The following GALNTL6 variants were observed in gnomAD, a reference collection of about 807,000 sequenced individuals.
The protein encoded by GALNTL6 is polypeptide N-acetylgalactosaminyltransferase-like 6.
Under a neutral mutation model 73.7 loss-of-function variants are expected in GALNTL6, and 46 were observed. The observed-to-expected ratio is 0.62, with a 90% CI of 0.49 to 0.80. GALNTL6 has a LOEUF of 0.80. Among genes scored for constraint, GALNTL6 ranks in the 30% least tolerant of loss-of-function variants. The pLI, the probability that GALNTL6 is intolerant of heterozygous loss-of-function variation, is 0.00. For synonymous variants in GALNTL6, 259 were observed against 263.7 expected, an observed-to-expected ratio of 0.98 and a Z score of 0.17; for missense variants, 604 against 755.0, an observed-to-expected ratio of 0.80 and a Z score of 2.34.
chr4:172,903,418 A>G (rs1298415849), intron 8 of GALNTL6, among the ~76,000 whole-genome samples: 1 of 152,192 alleles, frequency 6.6e-6, no homozygotes, highest in South Asian at 2.1e-4. Flanking sequence ...TATAACATGC[A>G]AGCTTAACTC....
chr4:172,988,609 A>ATGTTTCAGAG (rs1751399498), intron 10 of GALNTL6, among the ~76,000 whole-genome samples: 1 of 152,220 alleles, frequency 6.6e-6, no homozygotes, highest in African/African-American at 2.4e-5. Context: ...TGCCTTGAAG[A>ATGTTTCAGAG]TGTTTCAGAG....
intron 5 of GALNTL6, among the ~76,000 whole-genome samples, chr4:172,532,475 A>G (rs980982497): frequency 2.0e-5 from 3 of 152,238 alleles, no homozygotes; most frequent in African/African-American, 7.2e-5. Context: ...TGAGACAATC[A>G]TAAGTCTCTG....
At chr4:172,193,805 G>A (rs1315743531) in intron 2 of GALNTL6, among the ~76,000 whole-genome samples, 1 of 152,168 alleles carries the variant, frequency 6.6e-6, no homozygotes, top group Non-Finnish European at 1.5e-5. Flanking sequence ...GGAACTTGCA[G>A]TGAGCTGAGA....
At chr4:172,682,861 G>GA (rs528385755) in intron 5 of GALNTL6, among the ~76,000 whole-genome samples, 2 of 150,990 alleles carry the variant, frequency 1.3e-5, no homozygotes, top group East Asian at 1.9e-4. Context: ...AAAAAAATTA[G>GA]AAAAAAAAAT....
chr4:172,785,929 G>C (rs1739627091), intron 5 of GALNTL6, among the ~76,000 whole-genome samples: 2 of 152,080 alleles, frequency 1.3e-5, no homozygotes, highest in South Asian at 4.1e-4. Flanking sequence ...TCAGAAATTA[G>C]TTCCAATCCA....
At chr4:172,167,696 C>G (rs1027341041) in intron 2 of GALNTL6, among the ~76,000 whole-genome samples, 1 of 151,986 alleles carries the variant, frequency 6.6e-6, no homozygotes, top group African/African-American at 2.4e-5. Flanking sequence ...CGGTGGCTCA[C>G]GCCTGTAATC....
At chr4:172,285,865 C>T (rs1739225879) in intron 3 of GALNTL6, among the ~76,000 whole-genome samples, 1 of 152,214 alleles carries the variant, frequency 6.6e-6, no homozygotes, top group African/African-American at 2.4e-5. Flanking sequence ...GGTACAAAGA[C>T]ATCCGGCAGA....
intron 5 of GALNTL6, among the ~76,000 whole-genome samples, chr4:172,775,547 A>C (rs529142910): frequency 6.6e-6 from 1 of 152,290 alleles, no homozygotes; most frequent in African/African-American, 2.4e-5. Context: ...TGACCCAGAG[A>C]ATATCCATCT....
At chr4:172,963,844 GGAA>G (rs1561059331) in intron 10 of GALNTL6, among the ~76,000 whole-genome samples, 1 of 152,200 alleles carries the variant, frequency 6.6e-6, no homozygotes, top group Non-Finnish European at 1.5e-5. Flanking sequence ...CATCCTATGG[GGAA>G]GAAGGAGAAA....
chr4:172,911,907 T>A (rs1747223463), intron 8 of GALNTL6, among the ~76,000 whole-genome samples: 1 of 152,254 alleles, frequency 6.6e-6, no homozygotes, highest in African/African-American at 2.4e-5. Context: ...CTGTAACAGT[T>A]TACATGGCAT....
intron 3 of GALNTL6, among the ~76,000 whole-genome samples, chr4:172,303,798 A>G (rs1239330041): frequency 6.6e-6 from 1 of 152,242 alleles, no homozygotes; most frequent in Admixed American, 6.5e-5. Context: ...ATGCTGTTTT[A>G]TATCTTTTGA....
chr4:172,125,422 C>G (rs1440714444), intron 2 of GALNTL6, among the ~76,000 whole-genome samples: 4 of 152,122 alleles, frequency 2.6e-5, no homozygotes, highest in Admixed American at 2.6e-4. Flanking sequence ...GCAAATTTTA[C>G]TAAGAGCAAA....
At chr4:171,875,232 A>G (rs933826922) in intron 2 of GALNTL6, among the ~76,000 whole-genome samples, 13 of 152,202 alleles carry the variant, frequency 8.5e-5, no homozygotes, top group Non-Finnish European at 1.6e-4. Context: ...CAAGAGACCA[A>G]CTAGTAAAAG....
intron 2 of GALNTL6, among the ~76,000 whole-genome samples, chr4:171,869,095 C>A (rs1736061826): frequency 6.6e-6 from 1 of 152,126 alleles, no homozygotes; most frequent in African/African-American, 2.4e-5. Flanking sequence ...AGGAGAAATC[C>A]AATTACCTCA....
chr4:171,923,043 G>A (rs1396931189), intron 2 of GALNTL6, among the ~76,000 whole-genome samples: 1 of 151,984 alleles, frequency 6.6e-6, no homozygotes, highest in African/African-American at 2.4e-5. Flanking sequence ...AAAGCCAGGA[G>A]AAATTACCAC....
intron 2 of GALNTL6, among the ~76,000 whole-genome samples, chr4:172,050,598 A>G (rs564557792): frequency 6.6e-6 from 1 of 152,268 alleles, no homozygotes; most frequent in Non-Finnish European, 1.5e-5. Flanking sequence ...TCTGAGGTCT[A>G]TGTGCCAGTG....
intron 5 of GALNTL6, among the ~76,000 whole-genome samples, chr4:172,568,818 C>G (rs1246659517): frequency 2.0e-5 from 3 of 150,202 alleles, no homozygotes; most frequent in African/African-American, 7.3e-5. Flanking sequence ...TTGTCCAACC[C>G]ATGACCTGTG....
chr4:172,867,751 CA>C (rs1303605610), intron 7 of GALNTL6, among the ~76,000 whole-genome samples: 1 of 152,204 alleles, frequency 6.6e-6, no homozygotes, highest in African/African-American at 2.4e-5. Context: ...ACCTGTGACC[CA>C]TGACATTCAG....
At position 171,926,013 on chromosome 4, in the gene GALNTL6, A is replaced by C. The variant is rs554563232; in HGVS notation, c.138+111295A>C. ...TCTGAAATTTTACAAAAATATTATT[A>C]CTGACACACATGTGCACATAACTAA... On this transcript the variant is annotated intron_variant, in intron 2 of 12. Transcript: ENST00000506823. 2.0e-5 allele frequency among the ~76,000 whole-genome samples: 3 copies of C among 150,846 alleles called. No homozygotes were observed. The East Asian group carries it at 5.8e-4, about 29-fold the overall frequency.
Sources: gnomAD v4.1 joint callset for allele counts (sites outside exome capture counted in the v4.1 genomes callset) on GRCh38, gnomAD v4.1.1 for gene constraint, MANE v1.5 for transcripts, NCBI Gene and HGNC (gene_info 2026-07-23, HGNC 2026-07-21) for gene names.